The following HTR2C variants were observed in gnomAD, a reference collection of about 807,000 sequenced individuals.
HTR2C encodes the protein 5-hydroxytryptamine receptor 2C, also known as 5-hydroxytryptamine (serotonin) receptor 2C, G protein-coupled.
HTR2C carries 5 observed loss-of-function variants against 21.0 expected under a neutral mutation model. The observed-to-expected ratio is 0.24, with a 90% CI of 0.12 to 0.50. HTR2C has a LOEUF of 0.50. HTR2C is among the 20% of genes least tolerant of loss of function. The probability of loss-of-function intolerance (pLI) is 0.98; values close to 1 mark genes in which losing one functional copy is unlikely to be tolerated. For missense variants in HTR2C, 271 were observed against 371.2 expected, an observed-to-expected ratio of 0.73 and a Z score of 2.22; for synonymous variants, 150 against 145.3, an observed-to-expected ratio of 1.03 and a Z score of -0.23.
At chrX:114,811,388 C>T (rs1446689988) in intron 4 of HTR2C, among the ~76,000 whole-genome samples, 3 of 103,629 alleles carry the variant, frequency 2.9e-5, no homozygotes, top group Non-Finnish European at 6.0e-5. Flanking sequence ...GTAAAGTCTT[C>T]GTATAACAAA....
intron 2 of HTR2C, among the ~76,000 whole-genome samples, chrX:114,711,473 A>C (rs1390039807): frequency 1.8e-5 from 2 of 111,767 alleles, no homozygotes; most frequent in African/African-American, 6.5e-5. Context: ...TTACTTAAGA[A>C]AAAATTGATA....
At position 114,907,093 on chromosome X, in the gene HTR2C, T is replaced by C. The variant is rs1556487185; in HGVS notation, c.1055T>C (p.Val352Ala). Reference protein sequence around the residue: ...NQKLMEKLLNVFVWIGYVCSG... With the variant: ...NQKLMEKLLNAFVWIGYVCSG... ...AAGCTCATGGAAAAGCTTCTGAATGTGTTTGTTTGGATTGGCTATGTTTGT... is the reference window on the plus strand; with the variant it reads ...AAGCTCATGGAAAAGCTTCTGAATGCGTTTGTTTGGATTGGCTATGTTTGT... The change falls in exon 6 of 6, where the codon GTG becomes GCG. Residue 352 changes from valine to alanine, a missense_variant. Val to Ala is a moderately conservative substitution (Grantham distance 64). Transcript: ENST00000276198. 8.3e-7 allele frequency: 1 copy of C among 1,211,565 alleles called. No individual in the cohort carries two copies. Among genetic ancestry groups the C allele is most frequent in the Non-Finnish European group, 1.1e-6 (1 of 895,345 alleles).
intron 2 of HTR2C, among the ~76,000 whole-genome samples, chrX:114,683,682 C>G (rs1556413842): frequency 9.0e-6 from 1 of 111,236 alleles, no homozygotes; most frequent in Non-Finnish European, 1.9e-5. Context: ...AGGACCTCAG[C>G]TCCTTGGGAG....
At chrX:114,860,045 G>T (rs1345216169) in intron 5 of HTR2C, among the ~76,000 whole-genome samples, 1 of 111,385 alleles carries the variant, frequency 9.0e-6, no homozygotes, top group Non-Finnish European at 1.9e-5. Context: ...TCCATCATTT[G>T]ACTTTTATTG....
intron 3 of HTR2C, among the ~76,000 whole-genome samples, chrX:114,727,344 G>C (rs2069492748): frequency 9.0e-6 from 1 of 111,624 alleles, no homozygotes; most frequent in Admixed American, 9.6e-5. Flanking sequence ...CTCTGGTTTT[G>C]TGAAGAATAG....
At chrX:114,654,929 T>C (rs1324851692) in intron 2 of HTR2C, among the ~76,000 whole-genome samples, 2 of 109,629 alleles carry the variant, frequency 1.8e-5, no homozygotes, top group Non-Finnish European at 3.8e-5. Flanking sequence ...ATTTAGTATC[T>C]AAGTGAGATA....
At chrX:114,716,957 C>G (rs1399247258) in intron 2 of HTR2C, among the ~76,000 whole-genome samples, 1 of 111,452 alleles carries the variant, frequency 9.0e-6, no homozygotes. Context: ...AATTATGAGT[C>G]ATAATTTCTG....
chrX:114,809,939 C>T lies in HTR2C; in HGVS notation c.350-38064C>T, dbSNP rs782669249. On this transcript the variant is annotated intron_variant, in intron 4 of 5. Coordinates refer to ENST00000276198, the MANE Select transcript of HTR2C (RefSeq NM_000868.4). Reference sequence around the variant, plus strand: ...CACCCAAGGCCCATGGCAAATTCTGCTCGGCTACCACTGCTGATTATTCAG... The same window carrying T: ...CACCCAAGGCCCATGGCAAATTCTGTTCGGCTACCACTGCTGATTATTCAG... 3.6e-5 allele frequency among the ~76,000 whole-genome samples: 4 copies of T among 111,971 alleles called. No homozygotes were observed. The South Asian group carries it at 1.5e-3, about 41-fold the overall frequency.
chrX:114,784,910 C>T, intron 4 of HTR2C, among the ~76,000 whole-genome samples: 1 of 111,432 alleles, frequency 9.0e-6, no homozygotes, highest in South Asian at 3.7e-4. Flanking sequence ...TGAGCCACCA[C>T]GCCTGGCCAC....
chrX:114,778,561 A>AG (rs1556439526), intron 4 of HTR2C, among the ~76,000 whole-genome samples: 1 of 109,930 alleles, frequency 9.1e-6, no homozygotes, highest in African/African-American at 3.3e-5. Flanking sequence ...CCAAAAAAAA[A>AG]CAGGCAAAAA....
intron 4 of HTR2C, among the ~76,000 whole-genome samples, chrX:114,747,593 A>C (rs1556426547): frequency 8.9e-6 from 1 of 112,428 alleles, no homozygotes; most frequent in South Asian, 3.7e-4. Context: ...AGAATAGAGC[A>C]GAAGTGATTG....
intron 2 of HTR2C, among the ~76,000 whole-genome samples, chrX:114,714,331 C>A (rs2147324098): frequency 8.9e-6 from 1 of 112,210 alleles, no homozygotes; most frequent in South Asian, 3.6e-4. Context: ...TCTTATACTT[C>A]ACTTTTCTGT....
At chrX:114,831,648 T>A (rs1556461039) in intron 4 of HTR2C, among the ~76,000 whole-genome samples, 2 of 108,239 alleles carry the variant, frequency 1.8e-5, no homozygotes, top group African/African-American at 6.8e-5. Context: ...TTTTGCAGGT[T>A]GCTTGTTCAC....
At chrX:114,786,625 C>T (rs1556442192) in intron 4 of HTR2C, among the ~76,000 whole-genome samples, 1 of 111,073 alleles carries the variant, frequency 9.0e-6, no homozygotes, top group African/African-American at 3.3e-5. Context: ...CACTCTGCTG[C>T]CTCTCATGAA....
chrX:114,770,751 C>A (rs782489081), intron 4 of HTR2C, among the ~76,000 whole-genome samples: 1 of 108,587 alleles, frequency 9.2e-6, no homozygotes, highest in Non-Finnish European at 1.9e-5. Context: ...TTCTTTAATT[C>A]CTGCCTTTAT....
intron 2 of HTR2C, among the ~76,000 whole-genome samples, chrX:114,668,981 A>G (rs981177004): frequency 1.8e-5 from 2 of 111,239 alleles, no homozygotes; most frequent in African/African-American, 3.3e-5. Flanking sequence ...GGCACTGTTG[A>G]CATACCAAGG....
Position 114,723,431 on chromosome X carries a change from G to A in HTR2C, c.-79-3427G>A, listed in dbSNP as rs781895579. Among the ~76,000 whole-genome samples the A allele has an allele frequency of 9.9e-5, 11 of 110,872 alleles. No individual in the cohort carries two copies. In the South Asian group the frequency reaches 1.2e-3, roughly 12 times the overall value. Reference sequence around the variant, plus strand: ...TTTTTTCTTTATTAGTCTTGCTAGTGGTCTATCAATTTTGTTGATCCTTTC... The same window carrying A: ...TTTTTTCTTTATTAGTCTTGCTAGTAGTCTATCAATTTTGTTGATCCTTTC... On this transcript the variant is annotated intron_variant, in intron 2 of 5. Transcript: ENST00000276198.
chrX:114,719,967 T>C (rs139347910), intron 2 of HTR2C, among the ~76,000 whole-genome samples: 2,481 of 111,658 alleles, frequency 0.022, 82 homozygotes, highest in African/African-American at 0.077. Context: ...AATATTTGGA[T>C]ACATAAAAAT....
intron 4 of HTR2C, among the ~76,000 whole-genome samples, chrX:114,837,050 AAGTT>A (rs1282713592): frequency 1.8e-5 from 2 of 111,873 alleles, no homozygotes; most frequent in Non-Finnish European, 3.8e-5. Context: ...TAGTTTAAGA[AAGTT>A]AGAATCTTAG....
Sources: allele counts gnomAD v4.1 joint callset (sites outside exome capture counted in the v4.1 genomes callset), GRCh38; gene constraint gnomAD v4.1.1; transcripts MANE v1.5; gene names NCBI Gene and HGNC (gene_info 2026-07-23, HGNC 2026-07-21).